TRAPPC9: variants seen among roughly 807,000 people sequenced by gnomAD.
The protein encoded by TRAPPC9 is IKK2 binding protein.
A neutral mutation model predicts 124.0 loss-of-function variants in TRAPPC9; 83 were observed. The observed-to-expected ratio is 0.67, with a 90% confidence interval of 0.56 to 0.80. The LOEUF is 0.80. Ranked by LOEUF, TRAPPC9 falls within the 30% of genes least tolerant of loss-of-function variation. The pLI is 0.00. For synonymous variants in TRAPPC9, 638 were observed against 617.5 expected (o/e 1.03, Z -0.49); for missense variants, 1,302 against 1,508.3 (o/e 0.86, Z 2.27).
At chr8:140,397,151 G>T (rs1391809487) in intron 7 of TRAPPC9, among the ~76,000 whole-genome samples, 1 of 152,092 alleles carries the variant, frequency 6.6e-6, no homozygotes, top group African/African-American at 2.4e-5. Context: ...ACAACTAAAG[G>T]TTTTAATGAT....
chr8:139,999,608 A>G (rs1838260772), intron 18 of TRAPPC9, among the ~76,000 whole-genome samples: 1 of 152,186 alleles, frequency 6.6e-6, no homozygotes, highest in Non-Finnish European at 1.5e-5. Flanking sequence ...CACCAAGAGC[A>G]GAATATACAT....
intron 15 of TRAPPC9, among the ~76,000 whole-genome samples, chr8:140,260,556 T>G (rs1219200237): frequency 6.6e-6 from 1 of 152,298 alleles, no homozygotes. Flanking sequence ...GCAAACTAAT[T>G]AGGTAAGTTC....
intron 19 of TRAPPC9, among the ~76,000 whole-genome samples, chr8:139,926,399 T>C (rs1832818188): frequency 6.6e-6 from 1 of 151,984 alleles, no homozygotes; most frequent in Non-Finnish European, 1.5e-5. Context: ...ACGAGATCGA[T>C]TCAGAAGAAC....
chr8:140,152,679 T>A (rs990116456), intron 17 of TRAPPC9, among the ~76,000 whole-genome samples: 9 of 152,290 alleles, frequency 5.9e-5, no homozygotes, highest in African/African-American at 2.2e-4. Context: ...TGTTGCCATC[T>A]TAATAATATT....
chr8:140,092,624 G>A (rs1307611275), intron 17 of TRAPPC9, among the ~76,000 whole-genome samples: 1 of 152,160 alleles, frequency 6.6e-6, no homozygotes, highest in Non-Finnish European at 1.5e-5. Flanking sequence ...CAGACTGACT[G>A]GCCCCTCAAG....
intron 21 of TRAPPC9, among the ~76,000 whole-genome samples, chr8:139,737,473 C>CCCCG (rs1554633754): frequency 1.6e-5 from 2 of 122,416 alleles, no homozygotes; most frequent in Admixed American, 7.6e-5. Context: ...CCCTCCCCCC[C>CCCCG]CCCCCACGGA....
chr8:139,919,100 G>A (rs372480746), intron 19 of TRAPPC9, among the ~76,000 whole-genome samples: 7 of 152,360 alleles, frequency 4.6e-5, no homozygotes, highest in African/African-American at 1.7e-4. Flanking sequence ...GACTCCCCGA[G>A]GCTTTGGCGC....
At chr8:139,845,253 G>T (rs1358711747) in intron 21 of TRAPPC9, among the ~76,000 whole-genome samples, 2 of 152,210 alleles carry the variant, frequency 1.3e-5, no homozygotes, top group Non-Finnish European at 2.9e-5. Context: ...AGGGTATGGG[G>T]AGGGGGAAAG....
intron 17 of TRAPPC9, among the ~76,000 whole-genome samples, chr8:140,053,800 A>G (rs1218595806): frequency 6.6e-6 from 1 of 152,238 alleles, no homozygotes; most frequent in Non-Finnish European, 1.5e-5. Context: ...TTATCATTAT[A>G]CAATGGCCTT....
intron 19 of TRAPPC9, among the ~76,000 whole-genome samples, chr8:139,975,038 C>A (rs931228475): frequency 6.6e-6 from 1 of 152,176 alleles, no homozygotes; most frequent in Non-Finnish European, 1.5e-5. Context: ...TGTCTCCAGA[C>A]TGCCTCTCCA....
chr8:139,753,424 C>T (rs555065612), intron 21 of TRAPPC9, among the ~76,000 whole-genome samples: 12 of 152,210 alleles, frequency 7.9e-5, no homozygotes, highest in Non-Finnish European at 4.4e-5. Flanking sequence ...TCCATCTATC[C>T]CCCTTTCCTT....
intron 19 of TRAPPC9, chr8:139,931,370 T>C (rs1833132635): frequency 6.6e-6 from 1 of 152,172 alleles, no homozygotes; most frequent in Non-Finnish European, 1.5e-5. Context: ...TCTGCAAGTC[T>C]TTCCTAGTGC....
intron 17 of TRAPPC9, among the ~76,000 whole-genome samples, chr8:140,175,439 G>GT (rs1387478192): frequency 1.3e-5 from 2 of 151,982 alleles, no homozygotes; most frequent in African/African-American, 4.8e-5. Flanking sequence ...TGCGGGCCAG[G>GT]TTCTGAAAAA....
Position 140,241,216 on chromosome 8 carries a change from T to G in TRAPPC9, c.2431+11561A>C, listed in dbSNP as rs2063848693. Among the ~76,000 whole-genome samples, 1 of 152,142 alleles carries G rather than the reference T, an allele frequency of 6.6e-6. No homozygotes were observed. Among genetic ancestry groups the G allele is most frequent in the Non-Finnish European group, 1.5e-5 (1 of 68,008 alleles). On this transcript the variant is annotated intron_variant, in intron 16 of 22. Transcript: ENST00000438773. The surrounding 1 kb of genome is among the most constrained non-coding windows in gnomAD (Gnocchi z 5.0). Reference sequence around the variant, plus strand: ...GAGTTTGAGACCAGCCTGTCCAACATGATGAAACCCTGTCTCTACTAAAAA... The same window carrying G: ...GAGTTTGAGACCAGCCTGTCCAACAGGATGAAACCCTGTCTCTACTAAAAA...
At chr8:140,296,244 C>T (rs7341602) in intron 11 of TRAPPC9, among the ~76,000 whole-genome samples, 62,276 of 152,096 alleles carry the variant, frequency 0.41, 13,608 homozygotes, top group African/African-American at 0.54. Context: ...GTAATTTTCA[C>T]AAAAGGAATC....
intron 15 of TRAPPC9, among the ~76,000 whole-genome samples, chr8:140,254,360 C>T (rs958444887): frequency 1.3e-5 from 2 of 152,320 alleles, no homozygotes; most frequent in South Asian, 2.1e-4. Flanking sequence ...CCTCTCCATA[C>T]CCCAAAGCCC....
chr8:139,905,553 CAG>C (rs1032483121), intron 20 of TRAPPC9, among the ~76,000 whole-genome samples: 1 of 152,046 alleles, frequency 6.6e-6, no homozygotes, highest in Non-Finnish European at 1.5e-5. Flanking sequence ...AATAGAGAAG[CAG>C]AGAGAGAAGG....
At chr8:140,140,422 G>A (rs1177926519) in intron 17 of TRAPPC9, among the ~76,000 whole-genome samples, 1 of 152,074 alleles carries the variant, frequency 6.6e-6, no homozygotes, top group African/African-American at 2.4e-5. Flanking sequence ...GGGTTTTTCG[G>A]TGGGTTTTTT....
intron 21 of TRAPPC9, among the ~76,000 whole-genome samples, chr8:139,744,860 G>A (rs1410027475): frequency 1.3e-5 from 2 of 152,166 alleles, no homozygotes; most frequent in African/African-American, 4.8e-5. Context: ...AAGATTAAAG[G>A]GAATTAAATT....
Sources: allele counts gnomAD v4.1 joint callset (sites outside exome capture counted in the v4.1 genomes callset), GRCh38; gene constraint gnomAD v4.1.1; non-coding constraint Gnocchi (gnomAD v3.1); transcripts MANE v1.5; gene names NCBI Gene and HGNC (gene_info 2026-07-23, HGNC 2026-07-21).